The following SLIT3 variants were observed in gnomAD, a reference collection of about 807,000 sequenced individuals.
SLIT3 encodes the protein slit guidance ligand 3.
Under a neutral mutation model 184.0 loss-of-function variants are expected in SLIT3, and 68 were observed. The ratio of observed to expected loss-of-function variants is 0.37; its 90% CI spans 0.30 to 0.45. SLIT3 has a LOEUF of 0.45. SLIT3 is among the 20% of genes least tolerant of loss of function. The pLI, the probability that SLIT3 is intolerant of heterozygous loss-of-function variation, is 1.00. For synonymous variants in SLIT3, 831 were observed against 828.6 expected, an observed-to-expected ratio of 1.00 and a Z score of -0.05; for missense variants, 1,707 against 2,026.0, an observed-to-expected ratio of 0.84 and a Z score of 3.02.
At chr5:168,699,088 T>G (rs1183022774) in intron 27 of SLIT3, among the ~76,000 whole-genome samples, 1 of 152,184 alleles carries the variant, frequency 6.6e-6, no homozygotes, top group African/African-American at 2.4e-5. Context: ...CCTCCATGTT[T>G]CCCTGCAGTT....
chr5:168,881,858 A>C (rs2113786582), intron 5 of SLIT3, among the ~76,000 whole-genome samples: 1 of 152,218 alleles, frequency 6.6e-6, no homozygotes, highest in Middle Eastern at 3.4e-3. Flanking sequence ...CCTGCAAAGG[A>C]GCTCCCATTC....
chr5:168,702,969 G>C (rs1762261331), intron 26 of SLIT3, among the ~76,000 whole-genome samples: 1 of 152,154 alleles, frequency 6.6e-6, no homozygotes, highest in Non-Finnish European at 1.5e-5. Context: ...GGCGGTGGTG[G>C]TGGAGGTGGT....
intron 1 of SLIT3, among the ~76,000 whole-genome samples, chr5:169,297,514 T>C (rs1767549645): frequency 6.6e-6 from 1 of 152,138 alleles, no homozygotes; most frequent in Admixed American, 6.5e-5. Flanking sequence ...CAAAGCCTTT[T>C]TGGGAGGCAG....
intron 22 of SLIT3, 94 bp downstream of exon 22, chr5:168,722,839 G>A: frequency 2.1e-6 from 2 of 940,250 alleles, no homozygotes; most frequent in Non-Finnish European, 3.5e-6. Context: ...GGTCATTAGG[G>A]CAGAGAAACT....
intron 20 of SLIT3, among the ~76,000 whole-genome samples, chr5:168,730,133 G>T (rs764160727): frequency 2.6e-5 from 4 of 151,156 alleles, no homozygotes; most frequent in Non-Finnish European, 4.4e-5. Flanking sequence ...GACAAAAAAG[G>T]TCACTAGATA....
At chr5:169,078,731 C>T (rs1758845889) in intron 4 of SLIT3, among the ~76,000 whole-genome samples, 1 of 152,186 alleles carries the variant, frequency 6.6e-6, no homozygotes, top group Admixed American at 6.5e-5. Flanking sequence ...ATTTCAGCTA[C>T]TCAGTGTGGT....
intron 12 of SLIT3, among the ~76,000 whole-genome samples, chr5:168,774,672 A>G (rs1012224053): frequency 6.6e-6 from 1 of 152,188 alleles, no homozygotes; most frequent in Non-Finnish European, 1.5e-5. Context: ...AGGCACCCTA[A>G]GTGCTTCACT....
At chr5:169,027,704 C>T (rs575335611) in intron 4 of SLIT3, among the ~76,000 whole-genome samples, 3 of 152,322 alleles carry the variant, frequency 2.0e-5, no homozygotes, top group East Asian at 3.9e-4. Context: ...AGGCGAGGGA[C>T]GTCACTTGGC....
At chr5:169,295,214 C>T (rs184664206) in intron 1 of SLIT3, among the ~76,000 whole-genome samples, 9 of 152,374 alleles carry the variant, frequency 5.9e-5, no homozygotes, top group African/African-American at 1.4e-4. Context: ...AGACCACCGT[C>T]CTCTATGTTG....
At position 169,117,547 on chromosome 5, in the gene SLIT3, C is replaced by T. The variant is rs745316772; in HGVS notation, c.413+75932G>A. Among the ~76,000 whole-genome samples the T allele has an allele frequency of 7.2e-5, 11 of 152,238 alleles. No homozygotes were observed. The East Asian group carries it at 1.5e-3, about 21-fold the overall frequency. On this transcript the variant is annotated intron_variant, in intron 4 of 35. Coordinates refer to ENST00000519560, the MANE Select transcript of SLIT3 (RefSeq NM_003062.4). ...GGACAGAAATAGTGGAATTTGGACA[C>T]GATGGCAGAGCCAAGCTGCTGCCAA...
At chr5:169,122,207 T>C (rs887619363) in intron 4 of SLIT3, among the ~76,000 whole-genome samples, 1 of 152,180 alleles carries the variant, frequency 6.6e-6, no homozygotes, top group Non-Finnish European at 1.5e-5. Flanking sequence ...CACAGGATCA[T>C]GGGAAACACA....
At chr5:168,844,227 T>C (rs1205272283) in intron 6 of SLIT3, among the ~76,000 whole-genome samples, 1 of 152,128 alleles carries the variant, frequency 6.6e-6, no homozygotes, top group Non-Finnish European at 1.5e-5. Context: ...AAACACACTG[T>C]CCCTGATGCT....
chr5:168,921,025 T>C (rs1377419313), intron 4 of SLIT3, among the ~76,000 whole-genome samples: 1 of 152,184 alleles, frequency 6.6e-6, no homozygotes, highest in Non-Finnish European at 1.5e-5. Flanking sequence ...GTAATCTGGC[T>C]CTGGAGTCAG....
chr5:168,823,195 A>G lies in SLIT3; in HGVS notation c.629+65T>C, dbSNP rs112044614. On this transcript the variant is annotated intron_variant, in intron 7 of 35. Transcript: ENST00000519560. The stretch of plus-strand genomic sequence containing the variant: ...GCATGGTAGGTTTGACAAGCAGCGT[A>G]GAGTGCTGCACTTTGGGCGTGAGGT... 1,791 of 1,202,832 alleles carry G rather than the reference A, an allele frequency of 1.5e-3. 24 individuals are homozygous for G. In the African/African-American group the frequency reaches 0.02, roughly 14 times the overall value. 74.5% of individuals were successfully genotyped at this position (1,202,832 alleles called of 1,614,324 possible).
intron 1 of SLIT3, among the ~76,000 whole-genome samples, chr5:169,256,770 C>T (rs1006764436): frequency 6.6e-6 from 1 of 152,120 alleles, no homozygotes; most frequent in Non-Finnish European, 1.5e-5. Flanking sequence ...TCATTATGGT[C>T]AAGGATGGCT....
At chr5:168,927,231 C>T (rs903071531) in intron 4 of SLIT3, among the ~76,000 whole-genome samples, 2 of 152,028 alleles carry the variant, frequency 1.3e-5, no homozygotes, top group African/African-American at 2.4e-5. Context: ...ATGGGTAGAA[C>T]CTTGAGAACG....
chr5:169,298,617 C>G (rs1012661000), intron 1 of SLIT3, among the ~76,000 whole-genome samples: 2 of 152,196 alleles, frequency 1.3e-5, no homozygotes, highest in Non-Finnish European at 2.9e-5. Context: ...ATTCTAAGAT[C>G]CAAGCCCAGC....
intron 4 of SLIT3, among the ~76,000 whole-genome samples, chr5:169,181,390 A>C (rs2113442856): frequency 6.6e-6 from 1 of 152,286 alleles, no homozygotes; most frequent in East Asian, 1.9e-4. Flanking sequence ...AATATCAGTA[A>C]AACTGATGAT....
chr5:168,923,976 A>G (rs1190349069), intron 4 of SLIT3, among the ~76,000 whole-genome samples: 13 of 152,256 alleles, frequency 8.5e-5, no homozygotes, highest in Admixed American at 8.5e-4. Context: ...GCACCACAAC[A>G]GCAGAATGGA....
Sources: allele counts gnomAD v4.1 joint callset (sites outside exome capture counted in the v4.1 genomes callset), GRCh38; gene constraint gnomAD v4.1.1; transcripts MANE v1.5; gene names NCBI Gene and HGNC (gene_info 2026-07-23, HGNC 2026-07-21).